Variants in SH3KBP1 observed in about 807,000 individuals in gnomAD.
SH3KBP1 encodes SH3 domain-containing kinase-binding protein 1.
Under a neutral mutation model 50.1 loss-of-function variants are expected in SH3KBP1, and 8 were observed. The observed-to-expected ratio is 0.16, with a 90% confidence interval of 0.09 to 0.29. SH3KBP1 has a LOEUF of 0.29. Ranked by LOEUF, SH3KBP1 falls within the 10% of genes least tolerant of loss-of-function variation. The pLI, the probability that SH3KBP1 is intolerant of heterozygous loss-of-function variation, is 1.00. For missense variants in SH3KBP1, 377 were observed against 535.2 expected, an observed-to-expected ratio of 0.70 and a Z score of 2.92; for synonymous variants, 227 against 218.6, an observed-to-expected ratio of 1.04 and a Z score of -0.34.
At chrX:19,829,388 T>C (rs748762630) in intron 2 of SH3KBP1, among the ~76,000 whole-genome samples, 1 of 110,740 alleles carries the variant, frequency 9.0e-6, no homozygotes, top group East Asian at 2.8e-4. Flanking sequence ...AGAGGAATCA[T>C]TGGGAAAAGG....
At chrX:19,796,604 G>A (rs1603249340) in intron 2 of SH3KBP1, among the ~76,000 whole-genome samples, 1 of 112,437 alleles carries the variant, frequency 8.9e-6, no homozygotes, top group African/African-American at 3.2e-5. Flanking sequence ...AAGTCATCTG[G>A]CTTTGTATTC....
intron 15 of SH3KBP1, among the ~76,000 whole-genome samples, chrX:19,545,664 C>T (rs1370254284): frequency 1.8e-5 from 2 of 111,530 alleles, no homozygotes; most frequent in South Asian, 3.7e-4. Flanking sequence ...TATTTGTGAA[C>T]GTGTGTGTGA....
chrX:19,545,594 T>C (rs1308363174), intron 15 of SH3KBP1, among the ~76,000 whole-genome samples: 1 of 112,169 alleles, frequency 8.9e-6, no homozygotes, highest in Non-Finnish European at 1.9e-5. Flanking sequence ...GTCTTCTCTC[T>C]AGACGTCTCA....
At chrX:19,556,911 A>G (rs2065507639) in intron 13 of SH3KBP1, among the ~76,000 whole-genome samples, 1 of 111,450 alleles carries the variant, frequency 9.0e-6, no homozygotes, top group Non-Finnish European at 1.9e-5. Flanking sequence ...GCCTCAAGCA[A>G]TCCTCCTGCC....
intron 2 of SH3KBP1, among the ~76,000 whole-genome samples, chrX:19,782,149 AATG>A (rs1353031493): frequency 9.0e-6 from 1 of 111,515 alleles, no homozygotes. Flanking sequence ...CCCTAAATCC[AATG>A]ACAAGTGTTG....
chrX:19,565,469 G>A (rs960981604), intron 13 of SH3KBP1, among the ~76,000 whole-genome samples: 1 of 111,461 alleles, frequency 9.0e-6, no homozygotes, highest in African/African-American at 3.3e-5. Context: ...ATCCTTCATA[G>A]GGCTATGGAC....
intron 1 of SH3KBP1, among the ~76,000 whole-genome samples, chrX:19,869,269 G>GA (rs1159175809): frequency 1.8e-5 from 2 of 112,517 alleles, no homozygotes; most frequent in Non-Finnish European, 3.8e-5. Context: ...GCAGGAATAG[G>GA]AAATTAATAC....
At chrX:19,553,596 C>A (rs910770554) in intron 13 of SH3KBP1, among the ~76,000 whole-genome samples, 3 of 108,028 alleles carry the variant, frequency 2.8e-5, no homozygotes, top group Admixed American at 2.1e-4. Context: ...TGGCTCCTAG[C>A]GGGATGTGAG....
intron 1 of SH3KBP1, among the ~76,000 whole-genome samples, chrX:19,838,673 G>T (rs143131849): frequency 0.012 from 1,323 of 111,072 alleles, 22 homozygotes; most frequent in African/African-American, 0.041. Context: ...CGGATCACAA[G>T]GTCAGGAGTT....
intron 8 of SH3KBP1, among the ~76,000 whole-genome samples, chrX:19,617,237 T>G: frequency 8.9e-6 from 1 of 112,647 alleles, no homozygotes; most frequent in South Asian, 3.6e-4. Flanking sequence ...AGGATCACAT[T>G]CTTGTGATAT....
In SH3KBP1 at chrX:19,630,497, AAAC is replaced by A. The variant is rs767114932; in HGVS notation, c.897+1364_897+1366del. 1.6e-4 allele frequency among the ~76,000 whole-genome samples: 18 copies of A among 112,327 alleles called. No individual in the cohort carries two copies. The East Asian group carries it at 4.5e-3, about 28-fold the overall frequency. ...GAATCACTTCTGCCTCATTTGCAGA[AAAC>A]AACAAGGGAAGCATTCTTCCCCTCA... On this transcript the variant is annotated intron_variant, in intron 8 of 17. Coordinates refer to ENST00000397821, the MANE Select transcript of SH3KBP1 (RefSeq NM_031892.3).
At chrX:19,649,205 A>G (rs1408235104) in intron 6 of SH3KBP1, among the ~76,000 whole-genome samples, 1 of 111,842 alleles carries the variant, frequency 8.9e-6, no homozygotes, top group African/African-American at 3.3e-5. Context: ...TGGCTTATCC[A>G]CGACAAACAC....
At chrX:19,554,224 C>CATATTAAAATATATTATAT (rs760305542) in intron 13 of SH3KBP1, among the ~76,000 whole-genome samples, 7 of 67,189 alleles carry the variant, frequency 1.0e-4, no homozygotes, top group African/African-American at 1.5e-4. Flanking sequence ...TATTATATAT[C>CATATTAAAATATATTATAT]ATATTAAAAT....
chrX:19,745,626 T>C (rs1441529421), intron 3 of SH3KBP1, among the ~76,000 whole-genome samples: 1 of 111,786 alleles, frequency 8.9e-6, no homozygotes, highest in African/African-American at 3.3e-5. Flanking sequence ...CCCTGGCTGG[T>C]CCAAGGTCAG....
Position 19,639,658 on chromosome X carries a change from T to A in SH3KBP1, c.802+5742A>T, listed in dbSNP as rs374216254. Among the ~76,000 whole-genome samples, 4 of 110,829 alleles carry A rather than the reference T, an allele frequency of 3.6e-5. No individual in the cohort carries two copies. The East Asian group carries it at 1.1e-3, about 31-fold the overall frequency. Reference sequence around the variant, plus strand: ...GGAGCAAGTGATGAAAGGTGCTTCTTAGGAAGAGGTGGGTACCCCTGGGAC... The same window carrying A: ...GGAGCAAGTGATGAAAGGTGCTTCTAAGGAAGAGGTGGGTACCCCTGGGAC... On this transcript the variant is annotated intron_variant, in intron 7 of 17. Coordinates refer to ENST00000397821, the MANE Select transcript of SH3KBP1 (RefSeq NM_031892.3).
chrX:19,551,096 G>T (rs1293149067), intron 13 of SH3KBP1, among the ~76,000 whole-genome samples: 2 of 111,702 alleles, frequency 1.8e-5, no homozygotes, highest in East Asian at 5.6e-4. Flanking sequence ...TAATGAACAG[G>T]CAGGTGTTAT....
chrX:19,692,690 T>TATA lies in SH3KBP1; in HGVS notation c.520+2921_520+2922insTAT, dbSNP rs1491492347. On this transcript the variant is annotated intron_variant, in intron 5 of 17. Transcript: ENST00000397821. ...GTGTGTATGTATATATATATATATA[T>TATA]TTTTTTTTTTTTTTAATAGTCTCTT... 1.9e-3 allele frequency among the ~76,000 whole-genome samples: 155 copies of TATA among 81,559 alleles called. 3 individuals are homozygous for TATA. Among genetic ancestry groups the TATA allele is most frequent in the African/African-American group, 7.5e-3 (138 of 18,451 alleles). 70.8% of individuals were successfully genotyped at this position (81,559 alleles called of 115,157 possible).
chrX:19,724,515 T>C (rs1603118751), intron 3 of SH3KBP1, among the ~76,000 whole-genome samples: 3 of 112,241 alleles, frequency 2.7e-5, no homozygotes. Context: ...AGAGTCAATG[T>C]TTCAGGCTTT....
intron 1 of SH3KBP1, among the ~76,000 whole-genome samples, chrX:19,877,886 G>A (rs1275982191): frequency 1.8e-5 from 2 of 112,401 alleles, no homozygotes; most frequent in Admixed American, 9.4e-5. Context: ...AGATGGACCA[G>A]CCTCCAGCAG....
Sources: gnomAD v4.1 joint callset for allele counts (sites outside exome capture counted in the v4.1 genomes callset) on GRCh38, gnomAD v4.1.1 for gene constraint, MANE v1.5 for transcripts, NCBI Gene and HGNC (gene_info 2026-07-23, HGNC 2026-07-21) for gene names.